The following PEBP4 variants were observed in gnomAD, a reference collection of about 807,000 sequenced individuals.
PEBP4 encodes the protein phosphatidylethanolamine binding protein 4.
In PEBP4, 22 loss-of-function variants were observed where a neutral mutation model predicts 23.9. The ratio of observed to expected loss-of-function variants is 0.92; its 90% CI spans 0.66 to 1.31. The LOEUF is 1.31. Among genes scored for constraint, PEBP4 ranks in the 40% most tolerant of loss-of-function variants. The pLI is 0.00. For missense variants in PEBP4, 324 were observed against 281.7 expected (o/e 1.15, Z -1.07); for synonymous variants, 112 against 99.3 (o/e 1.13, Z -0.76).
intron 3 of PEBP4, among the ~76,000 whole-genome samples, chr8:22,918,111 C>T (rs903218584): frequency 2.0e-5 from 3 of 152,162 alleles, no homozygotes; most frequent in African/African-American, 4.8e-5. Flanking sequence ...AAATACTTAA[C>T]TTGGAGACTT....
At position 22,728,543 on chromosome 8, in the gene PEBP4, C is replaced by CCTTTCTTT. The variant is rs142257916; in HGVS notation, c.358-1331_358-1324dup. Among the ~76,000 whole-genome samples the CCTTTCTTT allele has an allele frequency of 6.1e-3, 709 of 115,320 alleles. 24 individuals carry two copies. Among genetic ancestry groups the CCTTTCTTT allele is most frequent in the African/African-American group, 0.016 (506 of 32,170 alleles). The allele number at this position is 115,320 out of a possible 152,430, so 75.7% of individuals were successfully genotyped here. The stretch of plus-strand genomic sequence containing the variant: ...TTGCTGGCTTGCTTCTTTCTTCCTT[C>CCTTTCTTT]CTTTCTTTCTTTCTTTCTTCCTTCC... On this transcript the variant is annotated intron_variant, in intron 4 of 6. Transcript: ENST00000256404.
intron 4 of PEBP4, among the ~76,000 whole-genome samples, chr8:22,813,788 T>C (rs1438660032): frequency 6.6e-6 from 1 of 152,216 alleles, no homozygotes; most frequent in African/African-American, 2.4e-5. Flanking sequence ...CTTATGTATC[T>C]GTCTCTGCCT....
chr8:22,845,841 T>G (rs1376678381), intron 3 of PEBP4, among the ~76,000 whole-genome samples: 1 of 152,262 alleles, frequency 6.6e-6, no homozygotes, highest in African/African-American at 2.4e-5. Flanking sequence ...CTGGACAAGC[T>G]GCTCAGCTCC....
chr8:22,777,159 G>A (rs2128754728), intron 4 of PEBP4, among the ~76,000 whole-genome samples: 1 of 151,948 alleles, frequency 6.6e-6, no homozygotes, highest in East Asian at 1.9e-4. Flanking sequence ...GGGAGGGAGG[G>A]TGCTGGCCCC....
intron 3 of PEBP4, among the ~76,000 whole-genome samples, chr8:22,847,052 G>A (rs79541204): frequency 6.6e-6 from 1 of 152,114 alleles, no homozygotes; most frequent in East Asian, 1.9e-4. Flanking sequence ...TGGTCCTCAA[G>A]AGAAATCACT....
At chr8:22,919,923 G>A (rs80287954) in intron 3 of PEBP4, among the ~76,000 whole-genome samples, 1,974 of 152,292 alleles carry the variant, frequency 0.013, 25 homozygotes, top group African/African-American at 0.032. Context: ...AGCTCCCAGA[G>A]CAGGGGAGCA....
At chr8:22,846,718 A>C (rs1439175031) in intron 3 of PEBP4, among the ~76,000 whole-genome samples, 2 of 152,176 alleles carry the variant, frequency 1.3e-5, no homozygotes, top group Non-Finnish European at 2.9e-5. Context: ...TTCCCTGCCC[A>C]CATCTACCAT....
At chr8:22,742,523 T>G (rs60297437) in intron 4 of PEBP4, among the ~76,000 whole-genome samples, 3,313 of 152,198 alleles carry the variant, frequency 0.022, 117 homozygotes, top group African/African-American at 0.076. Flanking sequence ...GTGTTTCCTA[T>G]AGTGATGTGG....
At chr8:22,909,592 G>T (rs1268520386) in intron 3 of PEBP4, among the ~76,000 whole-genome samples, 1 of 152,104 alleles carries the variant, frequency 6.6e-6, no homozygotes, top group Non-Finnish European at 1.5e-5. Context: ...TCTTCCCAGG[G>T]CCTGGAGCAG....
chr8:22,874,512 C>A (rs1056779151), intron 3 of PEBP4, among the ~76,000 whole-genome samples: 27 of 152,128 alleles, frequency 1.8e-4, no homozygotes, highest in Non-Finnish European at 2.6e-4. Flanking sequence ...TTGCCAGCCC[C>A]CAACCCTCTG....
At chr8:22,714,388 G>A (rs1354549563) in intron 6 of PEBP4, among the ~76,000 whole-genome samples, 3 of 152,074 alleles carry the variant, frequency 2.0e-5, no homozygotes, top group Admixed American at 6.5e-5. Context: ...GCCAGGAAAA[G>A]GCAGGAAGTA....
chr8:22,805,233 A>T (rs1806471377), intron 4 of PEBP4, among the ~76,000 whole-genome samples: 1 of 152,254 alleles, frequency 6.6e-6, no homozygotes, highest in African/African-American at 2.4e-5. Context: ...GTCCAAACCT[A>T]TACAACATGC....
In PEBP4 at chr8:22,736,067, A is replaced by G. The variant is rs530713442; in HGVS notation, c.358-8847T>C. On this transcript the variant is annotated intron_variant, in intron 4 of 6. Transcript: ENST00000256404. ...AGCCCCTGGTGCCTCTGGGGCCTGT[A>G]CTGGCTGGGACTCCCAACTGTCTGC... 3.3e-5 allele frequency among the ~76,000 whole-genome samples: 5 copies of G among 152,170 alleles called. 1 individual carries two copies. Among genetic ancestry groups the G allele is most frequent in the African/African-American group, 1.2e-4 (5 of 41,518 alleles).
chr8:22,777,960 T>C (rs1486882310), intron 4 of PEBP4, among the ~76,000 whole-genome samples: 2 of 152,078 alleles, frequency 1.3e-5, no homozygotes, highest in African/African-American at 4.8e-5. Context: ...AGGGCCGTCA[T>C]CACACTCAGC....
chr8:22,876,038 TA>T (rs5890076), intron 3 of PEBP4, among the ~76,000 whole-genome samples: 57,365 of 151,538 alleles, frequency 0.38, 11,235 homozygotes, highest in African/African-American at 0.46. Context: ...GCCACTGGAG[TA>T]AGCTGGGATT....
At chr8:22,900,235 G>A (rs1198944046) in intron 3 of PEBP4, among the ~76,000 whole-genome samples, 1 of 152,224 alleles carries the variant, frequency 6.6e-6, no homozygotes, top group Admixed American at 6.5e-5. Flanking sequence ...AATGGGGAAG[G>A]GTTGGGGAGG....
At chr8:22,874,280 T>C (rs892658459) in intron 3 of PEBP4, among the ~76,000 whole-genome samples, 1 of 152,208 alleles carries the variant, frequency 6.6e-6, no homozygotes, top group Non-Finnish European at 1.5e-5. Flanking sequence ...TTATTTCAAT[T>C]ACTATGAAAA....
At chr8:22,787,336 T>C (rs1027609754) in intron 4 of PEBP4, among the ~76,000 whole-genome samples, 7 of 152,182 alleles carry the variant, frequency 4.6e-5, no homozygotes, top group Admixed American at 2.0e-4. Context: ...CATAAAGAGT[T>C]TGTTCTGGAG....
chr8:22,842,578 TTTGGAACACTC>T (rs1431935189), intron 3 of PEBP4, among the ~76,000 whole-genome samples: 1 of 152,176 alleles, frequency 6.6e-6, no homozygotes. Flanking sequence ...TCCATGGGGC[TTTGGAACACTC>T]TTGCGATGAA....
Sources: allele counts gnomAD v4.1 joint callset (sites outside exome capture counted in the v4.1 genomes callset), GRCh38; gene constraint gnomAD v4.1.1; transcripts MANE v1.5; gene names NCBI Gene and HGNC (gene_info 2026-07-23, HGNC 2026-07-21).